Variants in MEI4 observed in about 807,000 individuals in gnomAD.
The protein encoded by MEI4 is meiosis-specific protein MEI4.
A neutral mutation model predicts 31.4 loss-of-function variants in MEI4; 27 were observed. That is an observed-to-expected ratio of 0.86 (90% CI 0.63 to 1.19). MEI4 has a LOEUF of 1.19. Among genes scored for constraint, MEI4 ranks in the 50% most tolerant of loss-of-function variants. The pLI is 0.00. For missense variants in MEI4, 329 were observed against 398.9 expected (o/e 0.82, Z 1.49); for synonymous variants, 122 against 145.4 (o/e 0.84, Z 1.16).
intron 2 of MEI4, among the ~76,000 whole-genome samples, chr6:77,728,075 G>T (rs1219946955): frequency 6.6e-6 from 1 of 152,186 alleles, no homozygotes; most frequent in Non-Finnish European, 1.5e-5. Context: ...GAATTGGAAG[G>T]TGAATTAAAA....
chr6:77,714,159 A>T (rs1766528577), intron 2 of MEI4, among the ~76,000 whole-genome samples: 1 of 151,964 alleles, frequency 6.6e-6, no homozygotes, highest in African/African-American at 2.4e-5. Flanking sequence ...GATTGATTCT[A>T]TGTCTTTGCT....
At chr6:77,740,030 T>C (rs545528301) in intron 2 of MEI4, among the ~76,000 whole-genome samples, 3 of 152,238 alleles carry the variant, frequency 2.0e-5, no homozygotes, top group African/African-American at 4.8e-5. Context: ...AAACAATTTA[T>C]TGATTTCTAC....
chr6:77,865,199 A>G (rs1770988879), intron 4 of MEI4, among the ~76,000 whole-genome samples: 1 of 152,234 alleles, frequency 6.6e-6, no homozygotes, highest in Non-Finnish European at 1.5e-5. Flanking sequence ...AACATATTCA[A>G]AAGCTAGCAG....
intron 3 of MEI4, among the ~76,000 whole-genome samples, chr6:77,825,659 T>A (rs1370545459): frequency 6.6e-6 from 1 of 152,204 alleles, no homozygotes; most frequent in Non-Finnish European, 1.5e-5. Flanking sequence ...TAATTCTGAT[T>A]CTTGTTTTCA....
chr6:77,862,568 A>G (rs1308757053), intron 4 of MEI4, among the ~76,000 whole-genome samples: 1 of 152,170 alleles, frequency 6.6e-6, no homozygotes, highest in Non-Finnish European at 1.5e-5. Flanking sequence ...TAGGTAAACA[A>G]AGCAGCCCAG....
intron 4 of MEI4, among the ~76,000 whole-genome samples, chr6:77,884,767 T>C (rs927188956): frequency 1.3e-5 from 2 of 152,242 alleles, no homozygotes; most frequent in East Asian, 1.9e-4. Context: ...CCATGTAGTA[T>C]ATTTTGAAGC....
rs570794433 is a variant in MEI4, at chr6:77,743,130, G to T, written c.233-18000G>T. Among the ~76,000 whole-genome samples, 14 of 151,964 alleles carry T rather than the reference G, an allele frequency of 9.2e-5. No individual in the cohort carries two copies. In the South Asian group the frequency reaches 1.2e-3, roughly 14 times the overall value. On this transcript the variant is annotated intron_variant, in intron 2 of 4. Coordinates refer to ENST00000684080, the MANE Select transcript of MEI4 (RefSeq NM_001322247.2). ...CTCTTTTTTGGTTCCATATGAACTT[G>T]AAAGTAGTTTTTTCCAACTCTGTGA...
intron 2 of MEI4, among the ~76,000 whole-genome samples, chr6:77,727,546 A>G (rs890126598): frequency 6.6e-6 from 1 of 152,222 alleles, no homozygotes; most frequent in Non-Finnish European, 1.5e-5. Context: ...CTAGCAAAAT[A>G]TAGTAATCAC....
intron 1 of MEI4, among the ~76,000 whole-genome samples, chr6:77,654,148 A>G (rs1475895106): frequency 6.6e-6 from 1 of 152,218 alleles, no homozygotes; most frequent in Non-Finnish European, 1.5e-5. Context: ...AGCCAGATTC[A>G]GCCTGTGGGC....
intron 2 of MEI4, among the ~76,000 whole-genome samples, chr6:77,735,559 C>A (rs1767169143): frequency 6.6e-6 from 1 of 152,166 alleles, no homozygotes; most frequent in East Asian, 1.9e-4. Flanking sequence ...AAGTTTTCAA[C>A]TTCTTTGCCT....
intron 3 of MEI4, among the ~76,000 whole-genome samples, chr6:77,782,800 G>A (rs1367782060): frequency 6.6e-6 from 1 of 152,100 alleles, no homozygotes; most frequent in African/African-American, 2.4e-5. Context: ...TATAAGTTTT[G>A]AATGAATAAC....
chr6:77,663,583 G>T (rs1175960133), intron 1 of MEI4, among the ~76,000 whole-genome samples: 2 of 152,270 alleles, frequency 1.3e-5, no homozygotes, highest in East Asian at 1.9e-4. Context: ...AAAGAGTATT[G>T]TCTAAGTTGG....
intron 1 of MEI4, among the ~76,000 whole-genome samples, chr6:77,689,322 T>C (rs536645643): frequency 6.6e-6 from 1 of 152,064 alleles, no homozygotes; most frequent in Non-Finnish European, 1.5e-5. Context: ...ATTTGTATAG[T>C]CATACTTTTA....
chr6:77,770,762 T>C lies in MEI4; in HGVS notation c.768+9097T>C, dbSNP rs150289708. ...CAAGCAATGAGGAGAGGACTCCCTA[T>C]TCATTAAATCAACTCAAGACGGACC... is the stretch of plus-strand genomic sequence containing the variant. On this transcript the variant is annotated intron_variant, in intron 3 of 4. Transcript: ENST00000684080. Among the ~76,000 whole-genome samples, 213 of 152,176 alleles carry C rather than the reference T, an allele frequency of 1.4e-3. 1 individual carries two copies. Among genetic ancestry groups the C allele is most frequent in the African/African-American group, 4.5e-3 (187 of 41,528 alleles).
chr6:77,734,660 G>T (rs145086570), intron 2 of MEI4, among the ~76,000 whole-genome samples: 4 of 151,694 alleles, frequency 2.6e-5, no homozygotes, highest in African/African-American at 4.9e-5. Context: ...ATTATTATGT[G>T]TGAATTTGAT....
intron 2 of MEI4, among the ~76,000 whole-genome samples, chr6:77,735,890 G>T (rs4269340): frequency 2.0e-5 from 3 of 151,236 alleles, no homozygotes; most frequent in African/African-American, 7.3e-5. Context: ...GGAGTACCCG[G>T]CCGTGTGAGG....
chr6:77,710,265 T>C (rs1766428044), intron 2 of MEI4, among the ~76,000 whole-genome samples: 1 of 152,084 alleles, frequency 6.6e-6, no homozygotes, highest in Non-Finnish European at 1.5e-5. Context: ...AAGTGTTGCT[T>C]GTAATCCCAG....
chr6:77,856,370 T>C (rs1770745403), intron 4 of MEI4, among the ~76,000 whole-genome samples: 1 of 152,160 alleles, frequency 6.6e-6, no homozygotes, highest in South Asian at 2.1e-4. Context: ...CAGGTGCCTA[T>C]CTAATCTCAG....
chr6:77,817,454 C>G (rs1177672280), intron 3 of MEI4, among the ~76,000 whole-genome samples: 1 of 152,014 alleles, frequency 6.6e-6, no homozygotes, highest in African/African-American at 2.4e-5. Flanking sequence ...GACCTAAGTT[C>G]TGATTATCAT....
Sources: gnomAD v4.1 joint callset for allele counts (sites outside exome capture counted in the v4.1 genomes callset) on GRCh38, gnomAD v4.1.1 for gene constraint, MANE v1.5 for transcripts, NCBI Gene and HGNC (gene_info 2026-07-23, HGNC 2026-07-21) for gene names.